APOOL: variants seen among roughly 807,000 people sequenced by gnomAD.
APOOL encodes the protein MICOS complex subunit MIC27.
In APOOL, 12 loss-of-function variants were observed where a neutral mutation model predicts 23.1. The observed-to-expected ratio is 0.52, with a 90% CI of 0.33 to 0.84. The LOEUF (loss-of-function observed/expected upper bound fraction) is 0.84. Ranked by LOEUF, APOOL falls within the 40% of genes least tolerant of loss-of-function variation. The pLI is 0.02. For missense variants in APOOL, 212 were observed against 199.6 expected (o/e 1.06, Z -0.37); for synonymous variants, 77 against 69.9 (o/e 1.10, Z -0.51).
chrX:85,008,411 A>G lies in APOOL; in HGVS notation c.15+4484A>G, dbSNP rs145204784. Among the ~76,000 whole-genome samples, 556 of 111,772 alleles carry G rather than the reference A, an allele frequency of 5.0e-3. 4 individuals are homozygous for G. Among genetic ancestry groups the G allele is most frequent in the African/African-American group, 0.017 (535 of 30,754 alleles). The stretch of plus-strand genomic sequence containing the variant: ...ACTTCTCAAAATTCCACGTACAAAT[A>G]AAATCAGGCAGTTTGTCTTTCTCTG... On this transcript the variant is annotated intron_variant, in intron 1 of 8. Coordinates refer to ENST00000373173, the MANE Select transcript of APOOL (RefSeq NM_198450.6).
At chrX:85,086,581 A>C (rs1051355278) in intron 8 of APOOL, among the ~76,000 whole-genome samples, 1 of 111,548 alleles carries the variant, frequency 9.0e-6, no homozygotes, top group African/African-American at 3.3e-5. Context: ...CACCACTTCT[A>C]CTTCCACCAT....
At chrX:85,055,980 T>G in intron 5 of APOOL, 55 bp downstream of exon 5, 11 of 949,935 alleles carry the variant, frequency 1.2e-5, no homozygotes, top group Non-Finnish European at 1.6e-5. Flanking sequence ...GTTTCTGAAT[T>G]TTGTGGTCAT....
intron 3 of APOOL, among the ~76,000 whole-genome samples, chrX:85,052,500 A>G (rs1304171715): frequency 1.8e-5 from 2 of 111,823 alleles, no homozygotes; most frequent in African/African-American, 6.5e-5. Flanking sequence ...CCCCAAATAT[A>G]GCCTGATGGT....
At chrX:85,037,517 G>T (rs542606080) in intron 1 of APOOL, among the ~76,000 whole-genome samples, 2 of 111,238 alleles carry the variant, frequency 1.8e-5, no homozygotes, top group South Asian at 7.5e-4. Context: ...TTGGTAAATT[G>T]CCCAGTCTTG....
rs184482240 is a variant in APOOL at position 85,067,551 on chromosome X, C to T, written c.486+333C>T. Among the ~76,000 whole-genome samples the T allele has an allele frequency of 5.2e-3, 571 of 108,941 alleles. 5 individuals are homozygous for T. The highest frequency in any genetic ancestry group is 9.4e-3 in the Non-Finnish European group (493 of 52,561). The allele number at this position is 108,941 out of a possible 115,157, so 94.6% of individuals were successfully genotyped here. On this transcript the variant is annotated intron_variant, in intron 6 of 8. Coordinates refer to ENST00000373173, the MANE Select transcript of APOOL (RefSeq NM_198450.6). ...TAAAAGAAGATTAAAATGCTAGCAG[C>T]TGTTTGGTTCAGCAGATTAACCTGA...
intron 5 of APOOL, among the ~76,000 whole-genome samples, chrX:85,059,976 G>T (rs1279931851): frequency 4.6e-5 from 5 of 109,625 alleles, no homozygotes; most frequent in African/African-American, 1.7e-4. Flanking sequence ...GAATGGTATT[G>T]CCTAGGTTTT....
At chrX:85,019,743 C>G (rs1391165058) in intron 1 of APOOL, among the ~76,000 whole-genome samples, 2 of 111,783 alleles carry the variant, frequency 1.8e-5, no homozygotes, top group Non-Finnish European at 3.8e-5. Flanking sequence ...GTCTCTAGGA[C>G]ATTCCACAAT....
At chrX:85,044,968 T>C (rs919919733) in intron 1 of APOOL, among the ~76,000 whole-genome samples, 5 of 111,566 alleles carry the variant, frequency 4.5e-5, no homozygotes, top group Non-Finnish European at 7.5e-5. Context: ...AGTCAGGTAT[T>C]TCAAAAAAAG....
In APOOL at chrX:85,021,853, T is replaced by G. The variant is rs184005789; in HGVS notation, c.15+17926T>G. The stretch of plus-strand genomic sequence containing the variant: ...GCGAAAAGATAACATAGATAAACCT[T>G]TAGCTAGACTCAGTTCTAAAAAAGA... On this transcript the variant is annotated intron_variant, in intron 1 of 8. Coordinates refer to ENST00000373173, the MANE Select transcript of APOOL (RefSeq NM_198450.6). Among the ~76,000 whole-genome samples the G allele has an allele frequency of 4.0e-3, 437 of 110,547 alleles. 2 individuals carry two copies. The highest frequency in any genetic ancestry group is 7.0e-3 in the Non-Finnish European group (372 of 53,154).
At chrX:85,054,420 A>C in intron 4 of APOOL, 22 bp downstream of exon 4, 1 of 1,136,777 alleles carries the variant, frequency 8.8e-7, no homozygotes. Flanking sequence ...GATAATTAGA[A>C]ATGTTTTATT....
chrX:85,043,806 T>C (rs1355962886), intron 1 of APOOL, among the ~76,000 whole-genome samples: 1 of 111,931 alleles, frequency 8.9e-6, no homozygotes, highest in Non-Finnish European at 1.9e-5. Context: ...TAGCATGAAA[T>C]ACATGTGCAA....
chrX:85,065,128 T>C (rs146591596), intron 5 of APOOL, among the ~76,000 whole-genome samples: 1,529 of 111,866 alleles, frequency 0.014, 91 homozygotes, highest in Admixed American at 0.13. Context: ...TTTACCATTA[T>C]GTAATGACCT....
At chrX:85,086,762 C>T (rs990290024) in intron 8 of APOOL, among the ~76,000 whole-genome samples, 1 of 89,057 alleles carries the variant, frequency 1.1e-5, no homozygotes, top group African/African-American at 4.3e-5. Context: ...TGCAGTGGCG[C>T]GATCTCGGCT....
At chrX:85,063,746 G>A (rs1202849414) in intron 5 of APOOL, among the ~76,000 whole-genome samples, 1 of 111,354 alleles carries the variant, frequency 9.0e-6, no homozygotes, top group Non-Finnish European at 1.9e-5. Flanking sequence ...GATTTTTGAT[G>A]TGCTTCTGGA....
rs756662226 is a variant in APOOL at position 85,026,841 on chromosome X, A to G, written c.16-19605A>G. ...GTCAGCATTTTGGTCAAAACCATTT[A>G]ACCAGTCTCTAAGAAGTTCCAGACT... On this transcript the variant is annotated intron_variant, in intron 1 of 8. Coordinates refer to ENST00000373173, the MANE Select transcript of APOOL (RefSeq NM_198450.6). Among the ~76,000 whole-genome samples the G allele has an allele frequency of 7.2e-4, 80 of 111,798 alleles. 1 individual carries two copies. Among genetic ancestry groups the G allele is most frequent in the African/African-American group, 2.5e-3 (78 of 30,763 alleles).
At chrX:85,007,402 A>T (rs1921116657) in intron 1 of APOOL, among the ~76,000 whole-genome samples, 1 of 111,076 alleles carries the variant, frequency 9.0e-6, no homozygotes, top group Non-Finnish European at 1.9e-5. Flanking sequence ...AAGAAGATTG[A>T]AGTGATGGAC....
At chrX:85,050,097 A>C (rs1922711034) in intron 2 of APOOL, among the ~76,000 whole-genome samples, 1 of 93,546 alleles carries the variant, frequency 1.1e-5, no homozygotes, top group Non-Finnish European at 2.1e-5. Flanking sequence ...ATAGTTGCCA[A>C]TGTGGTGAAT....
chrX:85,054,321 T>G, intron 3 of APOOL, 23 bp from the exon 4 acceptor site: 1 of 1,169,653 alleles, frequency 8.5e-7, no homozygotes, highest in Non-Finnish European at 1.1e-6. Flanking sequence ...GCAGATGTCT[T>G]CCCCCCCTTT....
At position 85,029,507 on chromosome X, in the gene APOOL, A is replaced by G. The variant is rs770420307; in HGVS notation, c.16-16939A>G. Among the ~76,000 whole-genome samples, 250 of 111,595 alleles carry G rather than the reference A, an allele frequency of 2.2e-3. 1 individual carries two copies. The highest frequency in any genetic ancestry group is 7.3e-3 in the African/African-American group (224 of 30,780). ...TTTTCCCAGTACCTAGTGTAGTGCA[A>G]TATTTCTTCTGATCTTCAGATCTCA... On this transcript the variant is annotated intron_variant, in intron 1 of 8. Coordinates refer to ENST00000373173, the MANE Select transcript of APOOL (RefSeq NM_198450.6).
Sources: allele counts gnomAD v4.1 joint callset (sites outside exome capture counted in the v4.1 genomes callset), GRCh38; gene constraint gnomAD v4.1.1; transcripts MANE v1.5; gene names NCBI Gene and HGNC (gene_info 2026-07-23, HGNC 2026-07-21).